RPS6KC1: variants seen among roughly 807,000 people sequenced by gnomAD.
The protein encoded by RPS6KC1 is inactive ribosomal protein S6 kinase delta-1.
A neutral mutation model predicts 103.8 loss-of-function variants in RPS6KC1; 54 were observed. The ratio of observed to expected loss-of-function variants is 0.52; its 90% CI spans 0.42 to 0.65. RPS6KC1 has a LOEUF of 0.65. Among genes scored for constraint, RPS6KC1 ranks in the 30% least tolerant of loss-of-function variants. The pLI, the probability that RPS6KC1 is intolerant of heterozygous loss-of-function variation, is 0.00. For synonymous variants in RPS6KC1, 439 were observed against 438.7 expected (o/e 1.00, Z -0.01); for missense variants, 1,151 against 1,253.8 (o/e 0.92, Z 1.24).
chr1:213,512,607 T>A, the RPS6KC1 span, among the ~76,000 whole-genome samples: 4 of 152,126 alleles, frequency 2.6e-5, no homozygotes, highest in Non-Finnish European at 5.9e-5. Flanking sequence ...TTCAGTGCTG[T>A]GATTCCATGC....
intron 6 of RPS6KC1, among the ~76,000 whole-genome samples, chr1:213,157,099 T>C (rs2089975418): frequency 1.3e-5 from 2 of 152,226 alleles, no homozygotes; most frequent in Non-Finnish European, 2.9e-5. Context: ...ATATATTGCT[T>C]TCATTTTCAC....
At chr1:213,602,060 T>TTCTTTCTTTCTTTC in the RPS6KC1 span, among the ~76,000 whole-genome samples, 23 of 47,240 alleles carry the variant, frequency 4.9e-4, no homozygotes, top group African/African-American at 2.2e-3. Context: ...TTCTTTCTCT[T>TTCTTTCTTTCTTTC]TCTTTCTTTC....
the RPS6KC1 span, among the ~76,000 whole-genome samples, chr1:213,336,972 C>G: frequency 6.6e-6 from 1 of 152,194 alleles, no homozygotes; most frequent in Non-Finnish European, 1.5e-5. Flanking sequence ...CAGTATCTCT[C>G]TCTACATTGG....
At chr1:213,136,120 GTTCACACCCT>G (rs1475597569) in intron 6 of RPS6KC1, among the ~76,000 whole-genome samples, 2 of 152,104 alleles carry the variant, frequency 1.3e-5, no homozygotes, top group Non-Finnish European at 2.9e-5. Context: ...GCCTGTCTCT[GTTCACACCCT>G]GTATTTGCTA....
chr1:213,355,429 G>T, the RPS6KC1 span, among the ~76,000 whole-genome samples: 4 of 151,942 alleles, frequency 2.6e-5, no homozygotes, highest in Non-Finnish European at 5.9e-5. Context: ...CTTAGACAGG[G>T]GTCTATACAC....
intron 1 of RPS6KC1, among the ~76,000 whole-genome samples, chr1:213,058,683 A>T (rs1033389354): frequency 3.3e-5 from 5 of 152,186 alleles, no homozygotes; most frequent in African/African-American, 1.2e-4. Flanking sequence ...TCTTAAAATT[A>T]GGCAATATTG....
At chr1:213,230,835 CAAAAA>C (rs760471422) in intron 9 of RPS6KC1, among the ~76,000 whole-genome samples, 1 of 54,684 alleles carries the variant, frequency 1.8e-5, no homozygotes, top group African/African-American at 5.9e-5. Flanking sequence ...GACCCTGTCT[CAAAAA>C]AAAAAAAAAA....
the RPS6KC1 span, among the ~76,000 whole-genome samples, chr1:213,762,153 C>T: frequency 6.6e-6 from 1 of 152,142 alleles, no homozygotes; most frequent in Non-Finnish European, 1.5e-5. Context: ...TGCGCTGTCT[C>T]GGGCAGGGAC....
At chr1:213,573,732 C>T in the RPS6KC1 span, among the ~76,000 whole-genome samples, 2 of 152,134 alleles carry the variant, frequency 1.3e-5, no homozygotes, top group Non-Finnish European at 2.9e-5. Context: ...GACGGTGGTG[C>T]CCTTTGAAGG....
the RPS6KC1 span, among the ~76,000 whole-genome samples, chr1:213,774,491 A>C: frequency 6.6e-6 from 1 of 152,206 alleles, no homozygotes; most frequent in African/African-American, 2.4e-5. Flanking sequence ...ACAGACAGGG[A>C]AGCAGAAAAC....
chr1:213,244,725 C>G, intron 12 of RPS6KC1, among the ~76,000 whole-genome samples: 1 of 152,086 alleles, frequency 6.6e-6, no homozygotes, highest in East Asian at 1.9e-4. Flanking sequence ...TTTCTAAGTT[C>G]TAATTTTTAA....
the RPS6KC1 span, among the ~76,000 whole-genome samples, chr1:213,463,620 C>T: frequency 6.6e-6 from 1 of 152,118 alleles, no homozygotes. Flanking sequence ...GCTCTCTGCT[C>T]AGCTTTTAGC....
At chr1:213,478,993 T>A in the RPS6KC1 span, among the ~76,000 whole-genome samples, 1 of 152,000 alleles carries the variant, frequency 6.6e-6, no homozygotes, top group Non-Finnish European at 1.5e-5. Context: ...ATTTTGTGCA[T>A]GAAAAATGAC....
the RPS6KC1 span, among the ~76,000 whole-genome samples, chr1:213,684,950 T>C: frequency 2.6e-5 from 4 of 152,226 alleles, no homozygotes; most frequent in African/African-American, 7.2e-5. Context: ...TGAAGCCAGT[T>C]TGAGCCAGTT....
the RPS6KC1 span, among the ~76,000 whole-genome samples, chr1:213,713,369 G>A: frequency 3.9e-5 from 6 of 151,976 alleles, no homozygotes; most frequent in South Asian, 2.1e-4. Context: ...TTGTGATCTC[G>A]CTTCACAGAG....
At chr1:213,287,113 GATAAA>G in the RPS6KC1 span, among the ~76,000 whole-genome samples, 1 of 152,200 alleles carries the variant, frequency 6.6e-6, no homozygotes, top group East Asian at 1.9e-4. Flanking sequence ...ACATTTGGGT[GATAAA>G]ATGATTTTTA....
At chr1:213,088,189 C>CT (rs923348719) in intron 3 of RPS6KC1, among the ~76,000 whole-genome samples, 1 of 152,120 alleles carries the variant, frequency 6.6e-6, no homozygotes, top group African/African-American at 2.4e-5. Context: ...ACCTAGCAAA[C>CT]TTTTTTTCCA....
chr1:213,120,374 G>C (rs1003290204), intron 5 of RPS6KC1, among the ~76,000 whole-genome samples: 2 of 152,176 alleles, frequency 1.3e-5, no homozygotes, highest in African/African-American at 4.8e-5. Context: ...CAAAGTGTCA[G>C]ACAGCTTGCA....
chr1:213,517,335 A>G, the RPS6KC1 span, among the ~76,000 whole-genome samples: 1 of 152,050 alleles, frequency 6.6e-6, no homozygotes, highest in Non-Finnish European at 1.5e-5. Context: ...TGTCAATTTT[A>G]GATATTTCCT....
Sources: allele counts gnomAD v4.1 joint callset (sites outside exome capture counted in the v4.1 genomes callset), GRCh38; gene constraint gnomAD v4.1.1; transcripts MANE v1.5; gene names NCBI Gene and HGNC (gene_info 2026-07-23, HGNC 2026-07-21).